Variants in DGKD observed in about 807,000 individuals in gnomAD.
The protein encoded by DGKD is DAG kinase delta.
A neutral mutation model predicts 154.4 loss-of-function variants in DGKD; 68 were observed. The observed-to-expected ratio is 0.44, with a 90% CI of 0.36 to 0.54. The LOEUF is 0.54. Ranked by LOEUF, DGKD falls within the 20% of genes least tolerant of loss-of-function variation. The probability of loss-of-function intolerance (pLI) is 0.00; values close to 1 mark genes in which losing one functional copy is unlikely to be tolerated. For missense variants in DGKD, 1,343 were observed against 1,593.6 expected, an observed-to-expected ratio of 0.84 and a Z score of 2.68; for synonymous variants, 693 against 638.0, an observed-to-expected ratio of 1.09 and a Z score of -1.30.
chr2:233,409,589 C>A (rs2061772268), intron 3 of DGKD, among the ~76,000 whole-genome samples: 1 of 151,942 alleles, frequency 6.6e-6, no homozygotes, highest in Non-Finnish European at 1.5e-5. Flanking sequence ...GTTCCCGTCC[C>A]AGAATAACCT....
At chr2:233,435,695 T>TG (rs540310387) in intron 5 of DGKD, 123 bp from the exon 6 acceptor site, 2 of 743,116 alleles carry the variant, frequency 2.7e-6, no homozygotes, top group Non-Finnish European at 4.2e-6. Context: ...ACTTATAAAA[T>TG]GGGAGTGCCA....
At chr2:233,422,925 G>A (rs2062166716) in intron 3 of DGKD, among the ~76,000 whole-genome samples, 1 of 152,116 alleles carries the variant, frequency 6.6e-6, no homozygotes, top group African/African-American at 2.4e-5. Flanking sequence ...CCTCACACAT[G>A]TCCCTCTGTA....
chr2:233,460,428 G>C, intron 24 of DGKD, 83 bp downstream of exon 24: 4 of 1,527,130 alleles, frequency 2.6e-6, no homozygotes, highest in Non-Finnish European at 3.5e-6. Flanking sequence ...CTGGGGCGTG[G>C]AGCTGCTGCT....
rs1181547042 is a variant in DGKD, at chr2:233,445,655, G to A, written c.1227G>A (p.Gly409=). 4 of 1,613,050 alleles carry A rather than the reference G, an allele frequency of 2.5e-6. No individual in the cohort carries two copies. The highest frequency in any genetic ancestry group is 2.2e-5 in the South Asian group (2 of 90,834). ...TGGGAGTGCTGCCGCTCGGCACAGG[G>A]AACGACTTGGCCCGAGTACTGGGCT... ...CQLGVLPLGT[G]NDLARVLGWG... The change falls in exon 11 of 30, where the codon GGG becomes GGA. Residue 409 remains glycine, a synonymous_variant. Coordinates refer to ENST00000264057, the MANE Select transcript of DGKD (RefSeq NM_152879.3). The surrounding 1 kb of genome is among the most constrained non-coding windows in gnomAD (Gnocchi z 5.5).
intron 27 of DGKD, 83 bp downstream of exon 27, chr2:233,464,366 T>A (rs1170754214): frequency 6.4e-7 from 1 of 1,556,738 alleles, no homozygotes; most frequent in Non-Finnish European, 8.8e-7. Flanking sequence ...GTGACCCGTG[T>A]GGCTCTGGGA....
chr2:233,464,401 C>G, intron 27 of DGKD, 118 bp downstream of exon 27: 1 of 1,287,002 alleles, frequency 7.8e-7, no homozygotes. Context: ...CTCCGGCAGC[C>G]CCTGAGGGGC....
chr2:233,446,912 C>T (rs187135308), intron 12 of DGKD, 116 bp downstream of exon 12: 4 of 1,223,698 alleles, frequency 3.3e-6, no homozygotes, highest in Admixed American at 2.1e-5. Flanking sequence ...GTTGGGGTGT[C>T]ACAGTCAGGC....
chr2:233,447,884 A>C (rs1377944905), intron 12 of DGKD: 3 of 1,404,914 alleles, frequency 2.1e-6, no homozygotes, highest in Non-Finnish European at 2.8e-6. Context: ...CGAAGCTTTT[A>C]AAATCTCTCA....
chr2:233,386,238 A>G (rs1575014514), intron 1 of DGKD: 1 of 327,618 alleles, frequency 3.1e-6, no homozygotes, highest in Non-Finnish European at 6.0e-6. Context: ...ATGGGGGGCC[A>G]GGAGAGACGT....
intron 25 of DGKD, 75 bp from the exon 26 acceptor site, chr2:233,462,568 C>T (rs969317427): frequency 1.9e-6 from 3 of 1,544,772 alleles, no homozygotes; most frequent in Non-Finnish European, 2.7e-6. Context: ...TCGGCCCTCC[C>T]AGTGCTTGTT....
At chr2:233,425,666 A>C (rs1378900183) in intron 3 of DGKD, among the ~76,000 whole-genome samples, 1 of 152,188 alleles carries the variant, frequency 6.6e-6, no homozygotes, top group African/African-American at 2.4e-5. Flanking sequence ...GCTTTTATCT[A>C]TTAACAGTGT....
At position 233,454,757 on chromosome 2, in the gene DGKD, T is replaced by A. The variant is rs745805126; in HGVS notation, c.2265-6T>A. On this transcript the variant is annotated splice_region_variant and splice_polypyrimidine_tract_variant and intron_variant, in intron 18 of 29. Transcript: ENST00000264057. ...GTTGTAATTGATTTAAAACTCACCT[T>A]TGCAGAGAGTATTACACGGAGAAAT... The A allele has an allele frequency of 6.4e-6, 10 of 1,573,948 alleles. No homozygotes were observed. The highest frequency in any genetic ancestry group is 8.7e-6 in the Non-Finnish European group (10 of 1,143,602).
chr2:233,398,160 T>G (rs2061466556), intron 3 of DGKD, among the ~76,000 whole-genome samples: 1 of 146,322 alleles, frequency 6.8e-6, no homozygotes, highest in Non-Finnish European at 1.5e-5. Flanking sequence ...TTTTTTTTTT[T>G]GAGATGGAGT....
At chr2:233,385,995 G>A (rs1337006910) in intron 1 of DGKD, 11 of 446,352 alleles carry the variant, frequency 2.5e-5, no homozygotes, top group South Asian at 8.1e-5. Flanking sequence ...GTGCGTGTGC[G>A]TGTGTGTGCG....
intron 3 of DGKD, among the ~76,000 whole-genome samples, chr2:233,431,940 A>G (rs1466062368): frequency 6.6e-6 from 1 of 152,256 alleles, no homozygotes; most frequent in African/African-American, 2.4e-5. Context: ...AGCACAGGCA[A>G]CCAAAGCAAA....
chr2:233,471,787 C>T lies in DGKD; in HGVS notation c.*2327C>T, dbSNP rs901765391. 1 of 152,362 alleles carries T rather than the reference C, an allele frequency of 6.6e-6. No individual in the cohort carries two copies. Among genetic ancestry groups the T allele is most frequent in the Admixed American group, 6.5e-5 (1 of 15,282 alleles). 9.4% of individuals were successfully genotyped at this position (152,362 alleles called of 1,614,324 possible). On this transcript the variant is annotated 3_prime_UTR_variant, in exon 30 of 30. Transcript: ENST00000264057. ...AACCTGCCCTTTGGTGCTGGGCTGGCGTCCCGCACTGGGGTGTCCTCGCTG... is the reference window on the plus strand; with the variant it reads ...AACCTGCCCTTTGGTGCTGGGCTGGTGTCCCGCACTGGGGTGTCCTCGCTG...
chr2:233,397,156 TGC>T (rs1156895281), intron 3 of DGKD, among the ~76,000 whole-genome samples: 22 of 76,572 alleles, frequency 2.9e-4, no homozygotes, highest in Admixed American at 4.6e-4. Context: ...CCAGGGTGGC[TGC>T]GGGGGGGGCC....
intron 1 of DGKD, chr2:233,386,060 G>T (rs1270996370): frequency 2.2e-6 from 1 of 458,720 alleles, no homozygotes; most frequent in Non-Finnish European, 4.5e-6. Context: ...TTTCTTTTAT[G>T]TATGAGATGT....
intron 3 of DGKD, among the ~76,000 whole-genome samples, chr2:233,405,137 A>G (rs7580191): frequency 1.3e-5 from 2 of 152,284 alleles, no homozygotes; most frequent in Non-Finnish European, 2.9e-5. Context: ...TAAGATATGT[A>G]TGTTGTTATG....
Sources: allele counts gnomAD v4.1 joint callset (sites outside exome capture counted in the v4.1 genomes callset), GRCh38; gene constraint gnomAD v4.1.1; non-coding constraint Gnocchi (gnomAD v3.1); transcripts MANE v1.5; gene names NCBI Gene and HGNC (gene_info 2026-07-23, HGNC 2026-07-21).